The following CELF2 variants were observed in gnomAD, a reference collection of about 807,000 sequenced individuals.
CELF2 encodes the protein CUG triplet repeat RNA-binding protein 2.
In CELF2, 8 loss-of-function variants were observed where a neutral mutation model predicts 62.6. The ratio of observed to expected loss-of-function variants is 0.13; its 90% CI spans 0.07 to 0.23. The LOEUF (loss-of-function observed/expected upper bound fraction) is 0.23. CELF2 is among the 10% of genes least tolerant of loss of function. The probability of loss-of-function intolerance (pLI) is 1.00; values close to 1 mark genes in which losing one functional copy is unlikely to be tolerated. For missense variants in CELF2, 333 were observed against 671.0 expected (o/e 0.50, Z 5.56); for synonymous variants, 258 against 250.0 (o/e 1.03, Z -0.30).
the CELF2 span, among the ~76,000 whole-genome samples, chr10:10,646,550 A>G: frequency 6.6e-6 from 1 of 152,216 alleles, no homozygotes; most frequent in Non-Finnish European, 1.5e-5. Flanking sequence ...ATATGATGGC[A>G]GTCACATCCA....
At chr10:10,536,572 T>A in the CELF2 span, among the ~76,000 whole-genome samples, 1 of 152,150 alleles carries the variant, frequency 6.6e-6, no homozygotes, top group Non-Finnish European at 1.5e-5. Context: ...CTTATAGTTG[T>A]ATTTAACTGT....
chr10:11,035,036 T>G (rs1356685029), intron 1 of CELF2, among the ~76,000 whole-genome samples: 1 of 152,210 alleles, frequency 6.6e-6, no homozygotes, highest in African/African-American at 2.4e-5. Flanking sequence ...CTCCTTTGAA[T>G]TAAAAGTGTC....
chr10:11,193,195 G>T (rs2076646976), intron 2 of CELF2, among the ~76,000 whole-genome samples: 1 of 152,130 alleles, frequency 6.6e-6, no homozygotes, highest in South Asian at 2.1e-4. Flanking sequence ...TGGAGAGCTG[G>T]ATTTTCTCAG....
the CELF2 span, among the ~76,000 whole-genome samples, chr10:10,508,446 A>G: frequency 1.6e-4 from 24 of 152,328 alleles, no homozygotes. Context: ...CTTAAGCCAA[A>G]CAACCTACAT....
chr10:11,042,306 G>A (rs904185511), intron 1 of CELF2, among the ~76,000 whole-genome samples: 1 of 152,220 alleles, frequency 6.6e-6, no homozygotes, highest in Non-Finnish European at 1.5e-5. Context: ...AAAGGTTAGA[G>A]TTCTTTGGAA....
In CELF2 at chr10:11,079,748, C is replaced by G. The variant is rs570140457; in HGVS notation, c.74+61585C>G. Among the ~76,000 whole-genome samples, 726 of 133,086 alleles carry G rather than the reference C, an allele frequency of 5.5e-3. 19 individuals are homozygous for G. The highest frequency in any genetic ancestry group is 0.019 in the African/African-American group (651 of 35,072). 87.3% of individuals were successfully genotyped at this position (133,086 alleles called of 152,430 possible). On this transcript the variant is annotated intron_variant, in intron 1 of 12. Coordinates refer to ENST00000633077, the MANE Select transcript of CELF2 (RefSeq NM_001326342.2). Reference sequence around the variant, plus strand: ...TGAGAATGGACTAATACAGCCCCCCCCCCCTTTTTAGGCCATGGAATCTAG... The same window carrying G: ...TGAGAATGGACTAATACAGCCCCCCGCCCCTTTTTAGGCCATGGAATCTAG...
chr10:10,478,371 G>T, the CELF2 span, among the ~76,000 whole-genome samples: 17 of 152,204 alleles, frequency 1.1e-4, no homozygotes, highest in South Asian at 3.1e-3. Flanking sequence ...TTTGATTTGT[G>T]CCGATTGATA....
chr10:11,149,866 G>A lies in CELF2; in HGVS notation c.75-15620G>A, dbSNP rs115309840. ...CCCGATGGAAATATACTGTCTTCAG[G>A]TATTCAGCACTTGTCAGTTGATCTC... On this transcript the variant is annotated intron_variant, in intron 1 of 12. Coordinates refer to ENST00000633077, the MANE Select transcript of CELF2 (RefSeq NM_001326342.2). Among the ~76,000 whole-genome samples, 279 of 152,248 alleles carry A rather than the reference G, an allele frequency of 1.8e-3. 1 individual carries two copies. Among genetic ancestry groups the A allele is most frequent in the African/African-American group, 6.4e-3 (267 of 41,556 alleles).
At chr10:11,105,627 T>G (rs1309709538) in intron 1 of CELF2, 1 of 152,282 alleles carries the variant, frequency 6.6e-6, no homozygotes, top group Non-Finnish European at 1.5e-5. Context: ...ATACCTAACC[T>G]AATTCCTTCT....
intron 1 of CELF2, among the ~76,000 whole-genome samples, chr10:10,860,653 A>G (rs2059996871): frequency 6.6e-6 from 1 of 152,236 alleles, no homozygotes; most frequent in Non-Finnish European, 1.5e-5. Flanking sequence ...GCAAAGAACA[A>G]TTTATGAATT....
chr10:10,678,530 T>C, the CELF2 span, among the ~76,000 whole-genome samples: 1 of 152,152 alleles, frequency 6.6e-6, no homozygotes, highest in Admixed American at 6.5e-5. Context: ...GCAGGGCTGA[T>C]CTTTGATTCC....
Position 11,311,448 on chromosome 10 carries a change from A to C in CELF2, c.977-2691A>C, listed in dbSNP as rs1212163389. On this transcript the variant is annotated intron_variant, in intron 9 of 12. Transcript: ENST00000633077. This position sits in a 1 kb window ranked among gnomAD's most constrained non-coding sequence, Gnocchi z 4.7. The stretch of plus-strand genomic sequence containing the variant: ...ATATTTAAGCTCACAACCAAAAAAA[A>C]CCCCACAAAATATACAAGTAAACCA... Among the ~76,000 whole-genome samples the C allele has an allele frequency of 1.3e-5, 2 of 152,178 alleles. No homozygotes were observed. Among genetic ancestry groups the C allele is most frequent in the Non-Finnish European group, 2.9e-5 (2 of 68,034 alleles).
At chr10:10,615,857 G>A in the CELF2 span, among the ~76,000 whole-genome samples, 2 of 152,194 alleles carry the variant, frequency 1.3e-5, no homozygotes, top group East Asian at 1.9e-4. Flanking sequence ...TACCCAGTCC[G>A]AAGTATGTAT....
chr10:10,664,070 A>C, the CELF2 span, among the ~76,000 whole-genome samples: 1 of 152,342 alleles, frequency 6.6e-6, no homozygotes, highest in East Asian at 1.9e-4. Context: ...AGAGTCAAAA[A>C]ACTATAAGCC....
Position 10,986,233 on chromosome 10 carries a change from A to C in CELF2, c.89+66234A>C, listed in dbSNP as rs563536853. Among the ~76,000 whole-genome samples, 103 of 152,342 alleles carry C rather than the reference A, an allele frequency of 6.8e-4. 1 individual carries two copies. Among genetic ancestry groups the C allele is most frequent in the South Asian group, 3.9e-3 (19 of 4,832 alleles). On this transcript the variant is annotated intron_variant, in intron 2 of 13. Coordinates refer to the CELF2 transcript ENST00000636488. ...TTTCAAACTATTAAAATTGCAAAAA[A>C]TTCTAAAGATTGATTTTCATATAAT...
chr10:11,275,073 C>T lies in CELF2; in HGVS notation c.794C>T (p.Thr265Ile), dbSNP rs1565698436. The change falls in exon 8 of 13, where the codon ACC becomes ATC. Residue 265 changes from threonine to isoleucine, a missense_variant. Coordinates refer to ENST00000633077, the MANE Select transcript of CELF2 (RefSeq NM_001326342.2). Reference sequence around the variant, plus strand: ...CATCCGCAGCTCCTGCAGCAGGCCACCTCCTCCAGCAACCTGGGTGCGTTC... The same window carrying T: ...CATCCGCAGCTCCTGCAGCAGGCCATCTCCTCCAGCAACCTGGGTGCGTTC... ...PQYLALLQQA[T>I]SSSNLGAFSG... is the part of the protein sequence containing the mutation. 6.2e-7 allele frequency: 1 copy of T among 1,614,200 alleles called. No homozygotes were observed. The highest frequency in any genetic ancestry group is 8.5e-7 in the Non-Finnish European group (1 of 1,180,034).
the CELF2 span, among the ~76,000 whole-genome samples, chr10:10,729,228 C>A: frequency 1.3e-5 from 2 of 152,172 alleles, no homozygotes; most frequent in Non-Finnish European, 2.9e-5. Flanking sequence ...TGTTCTCAGA[C>A]CTTAGCTGTG....
chr10:10,828,552 G>A (rs180879770), intron 1 of CELF2, among the ~76,000 whole-genome samples: 1 of 152,286 alleles, frequency 6.6e-6, no homozygotes, highest in African/African-American at 2.4e-5. Context: ...CAGAATTTCA[G>A]TTTGGGATGA....
At chr10:10,880,423 C>T (rs755594374) in intron 1 of CELF2, among the ~76,000 whole-genome samples, 5 of 152,090 alleles carry the variant, frequency 3.3e-5, no homozygotes, top group South Asian at 2.1e-4. Context: ...GATCAGTGTA[C>T]GCAGGAAATT....
Sources: allele counts gnomAD v4.1 joint callset (sites outside exome capture counted in the v4.1 genomes callset), GRCh38; gene constraint gnomAD v4.1.1; non-coding constraint Gnocchi (gnomAD v3.1); transcripts MANE v1.5; gene names NCBI Gene and HGNC (gene_info 2026-07-23, HGNC 2026-07-21).